The following GATC variants were observed in gnomAD, a reference collection of about 807,000 sequenced individuals.
GATC encodes the protein glutamyl-tRNA(Gln) amidotransferase subunit C, mitochondrial.
In GATC, 11 loss-of-function variants were observed where a neutral mutation model predicts 14.4. The observed-to-expected ratio is 0.77, with a 90% CI of 0.48 to 1.27. The LOEUF is 1.27. Among genes scored for constraint, GATC ranks in the 50% most tolerant of loss-of-function variants. The pLI is 0.00. For synonymous variants in GATC, 76 were observed against 79.3 expected (o/e 0.96, Z 0.22); for missense variants, 204 against 183.0 (o/e 1.11, Z -0.66).
intron 2 of GATC, among the ~76,000 whole-genome samples, chr12:120,454,013 C>T (rs2137041910): frequency 6.6e-6 from 1 of 152,212 alleles, no homozygotes; most frequent in Admixed American, 6.5e-5. Flanking sequence ...ACGCAGGAAA[C>T]TTAATTATGA....
At chr12:120,458,095 T>TA (rs1407614666) in intron 3 of GATC, among the ~76,000 whole-genome samples, 23 of 144,782 alleles carry the variant, frequency 1.6e-4, no homozygotes, top group African/African-American at 5.1e-4. Context: ...TGATATTTCT[T>TA]AAATTTTTTT....
Position 120,453,815 on chromosome 12 carries a change from C to CA in GATC, c.255-3250dup, listed in dbSNP as rs1194329326. 9.9e-3 allele frequency among the ~76,000 whole-genome samples: 1,353 copies of CA among 136,422 alleles called. 17 individuals are homozygous for CA. Among genetic ancestry groups the CA allele is most frequent in the Admixed American group, 0.018 (234 of 13,246 alleles). 89.5% of individuals were successfully genotyped at this position (136,422 alleles called of 152,430 possible). On this transcript the variant is annotated intron_variant, in intron 2 of 3. Coordinates refer to ENST00000551765, the MANE Select transcript of GATC (RefSeq NM_176818.3). The stretch of plus-strand genomic sequence containing the variant: ...TAGGCAACACAGCAAGACCCTGTCT[C>CA]AAAAAAAAAAAGTAAAACAACAACA...
Position 120,446,641 on chromosome 12 carries a change from CTCA to C in GATC, c.82-13_82-11del. 1 of 1,604,266 alleles carries C rather than the reference CTCA, an allele frequency of 6.2e-7. No homozygotes were observed. The highest frequency in any genetic ancestry group is 1.1e-5 in the South Asian group (1 of 90,608). On this transcript the variant is annotated splice_polypyrimidine_tract_variant and intron_variant, in intron 1 of 3. Coordinates refer to ENST00000551765, the MANE Select transcript of GATC (RefSeq NM_176818.3). The stretch of plus-strand genomic sequence containing the variant: ...AGCGCCGGTGACCCACACTCCCCGC[CTCA>C]TCCCTCCTCCAGGGCAGTGGCCGGA...
At chr12:120,453,913 C>CTA (rs1369759768) in intron 2 of GATC, among the ~76,000 whole-genome samples, 1 of 151,506 alleles carries the variant, frequency 6.6e-6, no homozygotes, top group Non-Finnish European at 1.5e-5. Context: ...TAACCAATAA[C>CTA]TAAATAGAAA....
chr12:120,451,491 C>T (rs1235008852), intron 2 of GATC, among the ~76,000 whole-genome samples: 4 of 150,820 alleles, frequency 2.7e-5, no homozygotes, highest in Admixed American at 6.6e-5. Flanking sequence ...CCTGTAATCC[C>T]AGCACTTTGG....
At chr12:120,455,254 C>T (rs4767897) in intron 2 of GATC, among the ~76,000 whole-genome samples, 39,191 of 151,470 alleles carry the variant, frequency 0.26, 5,925 homozygotes, top group East Asian at 0.5. Flanking sequence ...CTGCAACCTC[C>T]GCCTCCTGGG....
rs1396997417 is a variant in GATC at position 120,460,411 on chromosome 12, T to C, written c.*452T>C. On this transcript the variant is annotated 3_prime_UTR_variant, in exon 4 of 4. Transcript: ENST00000551765. ...TATCTTTACCGAACATACCTGAATT[T>C]GTTCCTGGGCTCCCACTTTCTTCCC... 6.5e-6 allele frequency: 1 copy of C among 152,984 alleles called. No individual in the cohort carries two copies. The highest frequency in any genetic ancestry group is 2.4e-5 in the African/African-American group (1 of 41,468). The allele number at this position is 152,984 out of a possible 1,614,324, so 9.5% of individuals were successfully genotyped here. A position where few individuals can be genotyped will look rare whatever the true frequency, so the allele number is the denominator to read the frequency against.
At chr12:120,458,490 C>T (rs1878244501) in intron 3 of GATC, among the ~76,000 whole-genome samples, 1 of 152,226 alleles carries the variant, frequency 6.6e-6, no homozygotes, top group African/African-American at 2.4e-5. Flanking sequence ...TGTGAGCCAT[C>T]AGTTTACAAC....
At chr12:120,455,725 G>A (rs1449075360) in intron 2 of GATC, among the ~76,000 whole-genome samples, 1 of 151,594 alleles carries the variant, frequency 6.6e-6, no homozygotes, top group Non-Finnish European at 1.5e-5. Context: ...TCGCTCTGTC[G>A]CCCAGGCTGG....
In GATC at chr12:120,462,898, T is replaced by G. The variant is rs1177892673; in HGVS notation, c.*2939T>G. 1 of 152,226 alleles carries G rather than the reference T, an allele frequency of 6.6e-6. No homozygotes were observed. The highest frequency in any genetic ancestry group is 1.5e-5 in the Non-Finnish European group (1 of 68,052). 9.4% of individuals were successfully genotyped at this position (152,226 alleles called of 1,614,324 possible). On this transcript the variant is annotated 3_prime_UTR_variant, in exon 4 of 4. Transcript: ENST00000551765. ...AGTTACCCTTTCTGAGGCCCTGCTT[T>G]GCAGTATAACTGAGGATCAGGTGCT...
chr12:120,456,639 C>A (rs1303110640), intron 2 of GATC, among the ~76,000 whole-genome samples: 6 of 152,174 alleles, frequency 3.9e-5, no homozygotes, highest in Non-Finnish European at 8.8e-5. Context: ...ACCTTCATCC[C>A]CCAATCCAGC....
chr12:120,447,904 C>G (rs1216295603), intron 2 of GATC, among the ~76,000 whole-genome samples: 2 of 151,842 alleles, frequency 1.3e-5, no homozygotes, highest in African/African-American at 4.8e-5. Context: ...CAGGCGCGTG[C>G]CACTTGGCCT....
chr12:120,457,276 T>C (rs1592987158), intron 3 of GATC, 97 bp downstream of exon 3: 1 of 892,876 alleles, frequency 1.1e-6, no homozygotes, highest in Non-Finnish European at 1.8e-6. Context: ...TGAAGGCACT[T>C]TGAAAAGGAT....
Position 120,457,118 on chromosome 12 carries a change from T to C in GATC, c.297T>C (p.Cys99=). Residue 99 remains cysteine, a synonymous_variant, in exon 3 of 4, where the codon TGT becomes TGC. Coordinates refer to ENST00000551765, the MANE Select transcript of GATC (RefSeq NM_176818.3). ...CCGACAATGTGGTAGAAGGCAACTG[T>C]GCTGATGAATTACTACAAAACTCCC... ...LRSDNVVEGN[C]ADELLQNSHR... 1 of 1,614,114 alleles carries C rather than the reference T, an allele frequency of 6.2e-7. No homozygotes were observed. The highest frequency in any genetic ancestry group is 2.2e-5 in the East Asian group (1 of 44,890).
chr12:120,449,286 G>A (rs1044538973), intron 2 of GATC, among the ~76,000 whole-genome samples: 14 of 151,964 alleles, frequency 9.2e-5, no homozygotes, highest in Non-Finnish European at 1.6e-4. Context: ...TGTGGCTCTC[G>A]TGATATCCAA....
At chr12:120,457,292 G>A (rs1363935996) in intron 3 of GATC, 113 bp downstream of exon 3, 2 of 774,290 alleles carry the variant, frequency 2.6e-6, no homozygotes, top group East Asian at 2.6e-5. Flanking sequence ...AGGATGAAGT[G>A]CATACAGATG....
At chr12:120,446,634 T>G in intron 1 of GATC, 23 bp from the exon 2 acceptor site, 1 of 1,601,408 alleles carries the variant, frequency 6.2e-7, no homozygotes, top group Non-Finnish European at 8.5e-7. Flanking sequence ...TGACCCACAC[T>G]CCCCGCCTCA....
At chr12:120,454,857 C>A (rs565718841) in intron 2 of GATC, 2,984 of 192,018 alleles carry the variant, frequency 0.016, 93 homozygotes, top group African/African-American at 0.069. Context: ...TTGTGTTATT[C>A]AAAAAAAAAA....
At chr12:120,457,016 C>T in intron 2 of GATC, 60 bp from the exon 3 acceptor site, 1 of 1,072,318 alleles carries the variant, frequency 9.3e-7, no homozygotes, top group South Asian at 1.3e-5. Flanking sequence ...TGCCCCTCTC[C>T]ATCATCCCCT....
Sources: allele counts gnomAD v4.1 joint callset (sites outside exome capture counted in the v4.1 genomes callset), GRCh38; gene constraint gnomAD v4.1.1; transcripts MANE v1.5; gene names NCBI Gene and HGNC (gene_info 2026-07-23, HGNC 2026-07-21).